KLHDC8A: variants seen among roughly 807,000 people sequenced by gnomAD.
KLHDC8A encodes kelch domain containing 8A.
KLHDC8A carries 21 observed loss-of-function variants against 33.1 expected under a neutral mutation model. The observed-to-expected ratio is 0.64, with a 90% CI of 0.45 to 0.91. The LOEUF is 0.91. KLHDC8A is among the 40% of genes least tolerant of loss of function. The pLI is 0.00. For synonymous variants in KLHDC8A, 173 were observed against 193.5 expected (o/e 0.89, Z 0.88); for missense variants, 435 against 483.3 (o/e 0.90, Z 0.94).
Position 205,343,526 on chromosome 1 carries a change from G to C in KLHDC8A, c.79C>G (p.Leu27Val), listed in dbSNP as rs139881201. Residue 27 changes from leucine to valine, a missense_variant, in exon 2 of 6, where the codon CTG becomes GTG. By Grantham distance (32) the Leu-to-Val change is conservative. Transcript: ENST00000367155. ...GCATAGACCTGGCCCCCGGTCTCCA[G>C]CAGGGAGCAGTAGACCCGGCGGCTG... is the stretch of plus-strand genomic sequence containing the variant. ...LPSRRVYCSL[L>V]ETGGQVYAIG... The C allele has an allele frequency of 6.2e-7, 1 of 1,613,256 alleles. No homozygotes were observed. The highest frequency in any genetic ancestry group is 1.1e-5 in the South Asian group (1 of 91,066).
intron 1 of KLHDC8A, among the ~76,000 whole-genome samples, chr1:205,345,156 A>G (rs1558687362): frequency 6.6e-6 from 1 of 152,150 alleles, no homozygotes; most frequent in African/African-American, 2.4e-5. Context: ...GGTTCTTTCA[A>G]ATGTAGCCAA....
At chr1:205,353,830 C>G (rs1663190393) in intron 1 of KLHDC8A, among the ~76,000 whole-genome samples, 1 of 152,228 alleles carries the variant, frequency 6.6e-6, no homozygotes, top group South Asian at 2.1e-4. Flanking sequence ...CTGTTTATCA[C>G]ATAATCTCTA....
intron 1 of KLHDC8A, among the ~76,000 whole-genome samples, chr1:205,355,424 T>G (rs1366225220): frequency 6.6e-6 from 1 of 152,216 alleles, no homozygotes; most frequent in African/African-American, 2.4e-5. Context: ...AAGAGTCATT[T>G]TTCCCGTTTC....
chr1:205,353,531 A>T (rs1663179558), intron 1 of KLHDC8A, among the ~76,000 whole-genome samples: 1 of 151,996 alleles, frequency 6.6e-6, no homozygotes, highest in Non-Finnish European at 1.5e-5. Context: ...TATTCTTTTT[A>T]TTTTTTGTTT....
chr1:205,336,541 TG>T lies in KLHDC8A; in HGVS notation c.*857del, dbSNP rs1662637603. Reference sequence around the variant, plus strand: ...AGATAGGAATATAGATTTTAATCATTGTGCTGCTGCTATTAACCAGAGTGCA... The same window carrying T: ...AGATAGGAATATAGATTTTAATCATTTGCTGCTGCTATTAACCAGAGTGCA... On this transcript the variant is annotated 3_prime_UTR_variant, in exon 6 of 6. Transcript: ENST00000367155. 1 of 152,660 alleles carries T rather than the reference TG, an allele frequency of 6.6e-6. No homozygotes were observed. The highest frequency in any genetic ancestry group is 6.5e-5 in the Admixed American group (1 of 15,274). The allele number at this position is 152,660 out of a possible 1,614,324, so 9.5% of individuals were successfully genotyped here. A position where few individuals can be genotyped will look rare whatever the true frequency, so the allele number is the denominator to read the frequency against.
chr1:205,346,129 A>G (rs1049408290), intron 1 of KLHDC8A, among the ~76,000 whole-genome samples: 1 of 152,248 alleles, frequency 6.6e-6, no homozygotes, highest in African/African-American at 2.4e-5. Context: ...CTTACAAAGT[A>G]AGCACCTCTA....
In KLHDC8A at chr1:205,338,658, A is replaced by G. The variant is rs1001763508; in HGVS notation, c.758-62T>C. 9 of 1,377,794 alleles carry G rather than the reference A, an allele frequency of 6.5e-6. No individual in the cohort carries two copies. The Admixed American group carries it at 1.5e-4, about 23-fold the overall frequency. The allele number at this position is 1,377,794 out of a possible 1,614,324, so 85.3% of individuals were successfully genotyped here. On this transcript the variant is annotated intron_variant, in intron 4 of 5. Coordinates refer to ENST00000367155, the MANE Select transcript of KLHDC8A (RefSeq NM_018203.3). ...AATAAGATACAGACCACTCCCACCA[A>G]ATGCAGATTGTGGCCCAAATAGCTT... is the stretch of plus-strand genomic sequence containing the variant.
intron 1 of KLHDC8A, among the ~76,000 whole-genome samples, chr1:205,355,171 G>A (rs993634491): frequency 6.6e-6 from 1 of 152,142 alleles, no homozygotes; most frequent in African/African-American, 2.4e-5. Flanking sequence ...CCTAATCTTG[G>A]CCCTTGTCCT....
chr1:205,338,086 T>G (rs1459882923), intron 5 of KLHDC8A, among the ~76,000 whole-genome samples: 4 of 152,216 alleles, frequency 2.6e-5, no homozygotes, highest in Non-Finnish European at 5.9e-5. Context: ...CCAAGATTCA[T>G]CTGTTGAACT....
chr1:205,342,038 A>G (rs55876853), intron 2 of KLHDC8A, among the ~76,000 whole-genome samples: 211 of 152,342 alleles, frequency 1.4e-3, no homozygotes, highest in African/African-American at 4.9e-3. Context: ...GCACACAGGC[A>G]TGTAAATGCT....
chr1:205,345,966 C>G (rs1294641283), intron 1 of KLHDC8A, among the ~76,000 whole-genome samples: 2 of 152,204 alleles, frequency 1.3e-5, no homozygotes, highest in African/African-American at 4.8e-5. Flanking sequence ...CCCAACTACT[C>G]AGAAGGCAGA....
rs149498417 is a variant in KLHDC8A, at chr1:205,339,668, G to A, written c.517C>T (p.Arg173Ter). 6 of 1,614,136 alleles carry A rather than the reference G, an allele frequency of 3.7e-6. No homozygotes were observed. Among genetic ancestry groups the A allele is most frequent in the South Asian group, 2.2e-5 (2 of 91,070 alleles). The change falls in exon 3 of 6, where the codon CGA becomes TGA. Residue 173 changes from arginine (R) to a stop codon, truncating the protein, a stop_gained. Coordinates refer to ENST00000367155, the MANE Select transcript of KLHDC8A (RefSeq NM_018203.3). LOFTEE classifies it high-confidence loss of function. This position sits in a 1 kb window ranked among gnomAD's most constrained non-coding sequence, Gnocchi z 5.1. ...CCCAGCACGTAGATCTTGGAGCCTC[G>A]GAGGAAGGAGGTGGCAGCATATCTC... is the stretch of plus-strand genomic sequence containing the variant. ...TPRYAATSFL[R>*]GSKIYVLGGR...
At chr1:205,354,885 AT>A (rs1163368535) in intron 1 of KLHDC8A, among the ~76,000 whole-genome samples, 1 of 152,244 alleles carries the variant, frequency 6.6e-6, no homozygotes, top group Non-Finnish European at 1.5e-5. Flanking sequence ...TTGTTAAATG[AT>A]TGATTCCTTT....
rs576092932 is a variant in KLHDC8A, at chr1:205,356,799, T to C, written c.-456A>G. The C allele has an allele frequency of 1.7e-5, 5 of 286,942 alleles. No homozygotes were observed. The highest frequency in any genetic ancestry group is 6.7e-5 in the African/African-American group (3 of 44,870). The allele number at this position is 286,942 out of a possible 1,614,324, so 17.8% of individuals were successfully genotyped here. On this transcript the variant is annotated 5_prime_UTR_variant, in exon 1 of 6. Coordinates refer to ENST00000367155, the MANE Select transcript of KLHDC8A (RefSeq NM_018203.3). ...AGCCCCGCCCTGAATGCACAGAAAC[T>C]TGGGGTCCCTGAGTTCCAGGAGGCG...
chr1:205,352,576 A>G (rs951885882), intron 1 of KLHDC8A, among the ~76,000 whole-genome samples: 1 of 152,116 alleles, frequency 6.6e-6, no homozygotes, highest in African/African-American at 2.4e-5. Flanking sequence ...TCTGTGCTGG[A>G]GACGGGAGAG....
chr1:205,351,889 A>G (rs1019085729), intron 1 of KLHDC8A, among the ~76,000 whole-genome samples: 6 of 151,806 alleles, frequency 4.0e-5, no homozygotes, highest in Admixed American at 1.3e-4. Flanking sequence ...ATTGCACTCC[A>G]GCCTGGGCAA....
At chr1:205,341,651 CT>C (rs1424381503) in intron 2 of KLHDC8A, among the ~76,000 whole-genome samples, 1 of 69,602 alleles carries the variant, frequency 1.4e-5, no homozygotes, top group Admixed American at 2.1e-4. Flanking sequence ...ATCTTTGTTT[CT>C]TTTTCTTTTT....
chr1:205,343,415 G>T lies in KLHDC8A; in HGVS notation c.190C>A (p.Arg64=), dbSNP rs760238750. The change falls in exon 2 of 6, where the codon CGG becomes AGG. Residue 64 remains arginine (R), a synonymous_variant. Transcript: ENST00000367155. ...PEADQWTALP[R]LPTARAGVAV... ...ACCCCCGCCCGGGCTGTGGGCAGCC[G>T]GGGCAAGGCGGTCCACTGGTCGGCC... is the stretch of plus-strand genomic sequence containing the variant. The T allele has an allele frequency of 6.2e-7, 1 of 1,613,178 alleles. No homozygotes were observed. The highest frequency in any genetic ancestry group is 1.1e-5 in the South Asian group (1 of 91,076).
At chr1:205,351,712 A>G (rs1210075170) in intron 1 of KLHDC8A, among the ~76,000 whole-genome samples, 3 of 150,714 alleles carry the variant, frequency 2.0e-5, no homozygotes, top group African/African-American at 7.3e-5. Flanking sequence ...TGAGGTCGGG[A>G]GTTTGAGACC....
Sources: gnomAD v4.1 joint callset for allele counts (sites outside exome capture counted in the v4.1 genomes callset) on GRCh38, gnomAD v4.1.1 for gene constraint, Gnocchi (gnomAD v3.1) non-coding constraint, MANE v1.5 for transcripts, NCBI Gene and HGNC (gene_info 2026-07-23, HGNC 2026-07-21) for gene names.